SUGCT: variants seen among roughly 807,000 people sequenced by gnomAD.
SUGCT encodes succinyl-CoA:glutarate-CoA transferase, also known as succinyl-CoA:glutarate CoA-transferase.
In SUGCT, 41 loss-of-function variants were observed where a neutral mutation model predicts 55.0. The observed-to-expected ratio is 0.74, with a 90% CI of 0.58 to 0.97. SUGCT has a LOEUF of 0.97. Ranked by LOEUF, SUGCT falls within the 50% of genes least tolerant of loss-of-function variation. The pLI is 0.00. For synonymous variants in SUGCT, 187 were observed against 200.4 expected (o/e 0.93, Z 0.56); for missense variants, 568 against 547.8 (o/e 1.04, Z -0.37).
chr7:40,408,661 A>G (rs1481285648), intron 9 of SUGCT, among the ~76,000 whole-genome samples: 1 of 152,132 alleles, frequency 6.6e-6, no homozygotes, highest in Non-Finnish European at 1.5e-5. Context: ...CATACTATTA[A>G]AATAACATTT....
chr7:40,589,571 A>G (rs1435899968), intron 12 of SUGCT, among the ~76,000 whole-genome samples: 3 of 152,170 alleles, frequency 2.0e-5, no homozygotes, highest in African/African-American at 4.8e-5. Flanking sequence ...AACACATCCC[A>G]TTAGGCCCCA....
At chr7:40,868,428 G>A in the SUGCT span, among the ~76,000 whole-genome samples, 1 of 152,104 alleles carries the variant, frequency 6.6e-6, no homozygotes, top group African/African-American at 2.4e-5. Context: ...TTGGTTTTCT[G>A]TTCCTGTGTT....
chr7:40,455,138 G>A (rs572002458), intron 10 of SUGCT, among the ~76,000 whole-genome samples: 40 of 152,112 alleles, frequency 2.6e-4, no homozygotes, highest in Non-Finnish European at 4.9e-4. Flanking sequence ...TCCACTTGAA[G>A]TGGTAAAATT....
intron 12 of SUGCT, among the ~76,000 whole-genome samples, chr7:40,600,745 G>A (rs1798253498): frequency 6.8e-6 from 1 of 147,780 alleles, no homozygotes; most frequent in South Asian, 2.2e-4. Context: ...TTTTTAATAA[G>A]ACTTGTGGAT....
At chr7:40,660,840 A>G (rs2151853925) in intron 12 of SUGCT, among the ~76,000 whole-genome samples, 1 of 152,202 alleles carries the variant, frequency 6.6e-6, no homozygotes, top group South Asian at 2.1e-4. Context: ...ACCTGTTTTC[A>G]GTTCCTCACC....
intron 12 of SUGCT, among the ~76,000 whole-genome samples, chr7:40,648,928 T>G (rs1193228678): frequency 2.6e-5 from 4 of 152,184 alleles, no homozygotes; most frequent in African/African-American, 9.7e-5. Flanking sequence ...TTTGAGGCAA[T>G]TTGTTACAGC....
intron 12 of SUGCT, among the ~76,000 whole-genome samples, chr7:40,591,517 C>T (rs1339559073): frequency 6.6e-6 from 1 of 152,204 alleles, no homozygotes; most frequent in African/African-American, 2.4e-5. Flanking sequence ...GTTAATAGAG[C>T]AGTGGCAAAA....
At chr7:40,443,092 T>C (rs1316204550) in intron 9 of SUGCT, among the ~76,000 whole-genome samples, 1 of 152,194 alleles carries the variant, frequency 6.6e-6, no homozygotes, top group African/African-American at 2.4e-5. Flanking sequence ...ATGGTGTATA[T>C]GGGCCACATT....
chr7:40,323,173 A>G (rs150523569), intron 9 of SUGCT, among the ~76,000 whole-genome samples: 56 of 152,036 alleles, frequency 3.7e-4, no homozygotes, highest in African/African-American at 1.3e-3. Flanking sequence ...TGTAAAATCC[A>G]CATAGAGGAC....
intron 13 of SUGCT, among the ~76,000 whole-genome samples, chr7:40,856,267 T>A (rs1469445474): frequency 6.6e-6 from 1 of 152,240 alleles, no homozygotes; most frequent in Non-Finnish European, 1.5e-5. Flanking sequence ...ATGAAGTTTT[T>A]TTGTTTAATT....
the SUGCT span, among the ~76,000 whole-genome samples, chr7:41,016,299 A>G: frequency 6.6e-6 from 1 of 152,272 alleles, no homozygotes; most frequent in South Asian, 2.1e-4. Flanking sequence ...GGCTAATCTT[A>G]GAGACAGATG....
chr7:40,903,312 T>C, the SUGCT span, among the ~76,000 whole-genome samples: 6 of 152,114 alleles, frequency 3.9e-5, no homozygotes, highest in Non-Finnish European at 8.8e-5. Flanking sequence ...GAGGGACAGC[T>C]CTCAGTGCAA....
rs146959034 is a variant in SUGCT at position 40,678,438 on chromosome 7, A to G, written c.1090-70996A>G. On this transcript the variant is annotated intron_variant, in intron 12 of 13. Transcript: ENST00000335693. ...TTTAGTTGTCAAAAAACAATTACCC[A>G]TACTTCCCTTTTTCACCAGAAAAAT... is the stretch of plus-strand genomic sequence containing the variant. Among the ~76,000 whole-genome samples, 68 of 152,290 alleles carry G rather than the reference A, an allele frequency of 4.5e-4. No homozygotes were observed. In the East Asian group the frequency reaches 8.5e-3, roughly 19 times the overall value.
chr7:40,509,691 CTTTG>C (rs562662414), intron 12 of SUGCT, among the ~76,000 whole-genome samples: 24 of 152,138 alleles, frequency 1.6e-4, no homozygotes, highest in East Asian at 1.4e-3. Flanking sequence ...GGGCTCACTT[CTTTG>C]TTTGTTGTGT....
chr7:40,302,956 C>G (rs549353321), intron 8 of SUGCT, among the ~76,000 whole-genome samples: 2 of 152,104 alleles, frequency 1.3e-5, no homozygotes, highest in Non-Finnish European at 2.9e-5. Context: ...CTATCGACAC[C>G]TTTAAATAAA....
intron 12 of SUGCT, among the ~76,000 whole-genome samples, chr7:40,575,027 C>T (rs757898986): frequency 2.0e-5 from 3 of 151,570 alleles, no homozygotes; most frequent in Non-Finnish European, 4.4e-5. Context: ...CATCGCACTG[C>T]CTCTGCATCC....
At chr7:40,725,397 C>T (rs1186715197) in intron 12 of SUGCT, among the ~76,000 whole-genome samples, 2 of 152,038 alleles carry the variant, frequency 1.3e-5, no homozygotes, top group Non-Finnish European at 2.9e-5. Context: ...ATCCTAATAC[C>T]CAAATGACAC....
chr7:40,839,868 T>A (rs1198568231), intron 13 of SUGCT, among the ~76,000 whole-genome samples: 1 of 152,132 alleles, frequency 6.6e-6, no homozygotes, highest in African/African-American at 2.4e-5. Flanking sequence ...ACCAGTGATG[T>A]GCCAGTGAAT....
At chr7:40,350,388 A>G (rs1383122006) in intron 9 of SUGCT, among the ~76,000 whole-genome samples, 1 of 151,182 alleles carries the variant, frequency 6.6e-6, no homozygotes, top group Admixed American at 6.6e-5. Flanking sequence ...ATCTCAGTTC[A>G]CTGCAGCCTC....
Sources: allele counts gnomAD v4.1 joint callset (sites outside exome capture counted in the v4.1 genomes callset), GRCh38; gene constraint gnomAD v4.1.1; transcripts MANE v1.5; gene names NCBI Gene and HGNC (gene_info 2026-07-23, HGNC 2026-07-21).